Variants in PIWIL2 observed in about 807,000 individuals in gnomAD.
PIWIL2 encodes piwi-like protein 2.
Under a neutral mutation model 116.5 loss-of-function variants are expected in PIWIL2, and 81 were observed. The observed-to-expected ratio is 0.70, with a 90% CI of 0.58 to 0.84. The LOEUF (loss-of-function observed/expected upper bound fraction) is 0.84, where lower values mean the gene tolerates loss of function less well. Ranked by LOEUF, PIWIL2 falls within the 40% of genes least tolerant of loss-of-function variation. The pLI, the probability that PIWIL2 is intolerant of heterozygous loss-of-function variation, is 0.00. For missense variants in PIWIL2, 1,272 were observed against 1,212.3 expected, an observed-to-expected ratio of 1.05 and a Z score of -0.73; for synonymous variants, 489 against 429.5, an observed-to-expected ratio of 1.14 and a Z score of -1.71.
chr8:22,342,816 A>T (rs1832141120), intron 20 of PIWIL2, among the ~76,000 whole-genome samples: 1 of 152,234 alleles, frequency 6.6e-6, no homozygotes, highest in Non-Finnish European at 1.5e-5. Flanking sequence ...AAGAGGATGA[A>T]ACAACAAGCC....
intron 20 of PIWIL2, among the ~76,000 whole-genome samples, chr8:22,333,412 G>T (rs1382558936): frequency 6.6e-6 from 1 of 152,050 alleles, no homozygotes; most frequent in African/African-American, 2.4e-5. Context: ...AGGAGTTCGA[G>T]ACCAGCCTGA....
intron 12 of PIWIL2, 29 bp from the exon 13 acceptor site, chr8:22,305,898 T>C (rs1831164783): frequency 6.4e-7 from 1 of 1,558,598 alleles, no homozygotes; most frequent in Non-Finnish European, 8.9e-7. Flanking sequence ...TGTACTGCCT[T>C]ATTTTCCCTC....
At chr8:22,335,625 G>A (rs1255989291) in intron 20 of PIWIL2, among the ~76,000 whole-genome samples, 1 of 142,502 alleles carries the variant, frequency 7.0e-6, no homozygotes, top group Non-Finnish European at 1.5e-5. Context: ...TCGGCTCACT[G>A]CAGCGTCTGC....
intron 20 of PIWIL2, among the ~76,000 whole-genome samples, chr8:22,326,841 C>A (rs1443694020): frequency 2.0e-5 from 3 of 151,840 alleles, no homozygotes; most frequent in Non-Finnish European, 2.9e-5. Context: ...ATTTTCAGTT[C>A]TTTTTGATAT....
intron 10 of PIWIL2, among the ~76,000 whole-genome samples, chr8:22,296,985 CTTT>C (rs918103321): frequency 1.3e-5 from 2 of 148,514 alleles, no homozygotes; most frequent in Non-Finnish European, 3.0e-5. Context: ...ACATTCTTTC[CTTT>C]TTTTTTTATT....
chr8:22,342,616 TAAAAC>T (rs1456081452), intron 20 of PIWIL2, among the ~76,000 whole-genome samples: 9 of 152,248 alleles, frequency 5.9e-5, no homozygotes, highest in Admixed American at 3.9e-4. Flanking sequence ...TTGCAAAAAT[TAAAAC>T]AAATTATAGA....
chr8:22,290,613 ATTTTTT>A (rs34573190), intron 10 of PIWIL2, among the ~76,000 whole-genome samples: 15 of 114,104 alleles, frequency 1.3e-4, no homozygotes, highest in South Asian at 9.0e-4. Flanking sequence ...CCAATTTTTA[ATTTTTT>A]TTTTTTTTTT....
chr8:22,329,733 C>T (rs566162850), intron 20 of PIWIL2, among the ~76,000 whole-genome samples: 2 of 152,332 alleles, frequency 1.3e-5, no homozygotes, highest in Non-Finnish European at 2.9e-5. Context: ...TAGTTCTATT[C>T]TCTCCCACTT....
chr8:22,332,490 C>T (rs1206099668), intron 20 of PIWIL2, among the ~76,000 whole-genome samples: 2 of 151,936 alleles, frequency 1.3e-5, no homozygotes, highest in Admixed American at 6.6e-5. Flanking sequence ...TCAGAAAGCC[C>T]AACACATCTC....
At chr8:22,342,669 G>A (rs1832137715) in intron 20 of PIWIL2, among the ~76,000 whole-genome samples, 1 of 152,102 alleles carries the variant, frequency 6.6e-6, no homozygotes, top group Non-Finnish European at 1.5e-5. Context: ...ACTTACAGAA[G>A]ATAACATAGA....
intron 4 of PIWIL2, among the ~76,000 whole-genome samples, chr8:22,281,767 A>ATTT (rs1313870060): frequency 1.8e-4 from 21 of 118,526 alleles, no homozygotes; most frequent in Non-Finnish European, 2.1e-4. Flanking sequence ...GATCATGGTG[A>ATTT]TTTTTTTTTT....
At position 22,318,398 on chromosome 8, in the gene PIWIL2, A is replaced by C. The variant is rs568456222; in HGVS notation, c.2403+123A>C. ...AGTGGTGCGATCTCTGTTCACTGCAACCTCTGCCTCCTGGGTTCAAGCGGT... is the reference window on the plus strand; with the variant it reads ...AGTGGTGCGATCTCTGTTCACTGCACCCTCTGCCTCCTGGGTTCAAGCGGT... On this transcript the variant is annotated intron_variant, in intron 20 of 22. Transcript: ENST00000356766. 15 of 562,392 alleles carry C rather than the reference A, an allele frequency of 2.7e-5. No individual in the cohort carries two copies. The African/African-American group carries it at 2.7e-4, about 10-fold the overall frequency. 34.8% of individuals were successfully genotyped at this position (562,392 alleles called of 1,614,324 possible). A position where few individuals can be genotyped will look rare whatever the true frequency, so the allele number is the denominator to read the frequency against.
At chr8:22,322,986 G>C (rs533770439) in intron 20 of PIWIL2, among the ~76,000 whole-genome samples, 1 of 151,524 alleles carries the variant, frequency 6.6e-6, no homozygotes, top group African/African-American at 2.4e-5. Context: ...GTATGATCTC[G>C]GCTCACTGCA....
rs1159975704 is a variant in PIWIL2, at chr8:22,311,096, T to C, written c.1801-16T>C. 5 of 1,588,076 alleles carry C rather than the reference T, an allele frequency of 3.1e-6. No homozygotes were observed. The highest frequency in any genetic ancestry group is 4.3e-6 in the Non-Finnish European group (5 of 1,166,698). ...TTAAATTGTGAGAAATACTAAAAGC[T>C]CTTGGTTGTTCCTAGATCCCCATGC... On this transcript the variant is annotated splice_polypyrimidine_tract_variant and intron_variant, in intron 15 of 22. Coordinates refer to ENST00000356766, the MANE Select transcript of PIWIL2 (RefSeq NM_018068.5).
chr8:22,318,425 C>G, intron 20 of PIWIL2, 150 bp downstream of exon 20: 1 of 551,512 alleles, frequency 1.8e-6, no homozygotes, highest in Non-Finnish European at 3.3e-6. Context: ...TCAAGCGGTT[C>G]TCCTGCCTCA....
intron 22 of PIWIL2, among the ~76,000 whole-genome samples, chr8:22,355,062 T>C (rs1270812187): frequency 1.4e-5 from 2 of 144,062 alleles, no homozygotes; most frequent in Admixed American, 1.4e-4. Context: ...AGAGCAAGAC[T>C]CTGTCAAAAA....
At chr8:22,287,297 G>T (rs1233833844) in intron 6 of PIWIL2, among the ~76,000 whole-genome samples, 1 of 152,210 alleles carries the variant, frequency 6.6e-6, no homozygotes, top group East Asian at 1.9e-4. Flanking sequence ...GCTAAGGCAG[G>T]TGTCCTTTGG....
intron 11 of PIWIL2, 150 bp from the exon 12 acceptor site, chr8:22,304,634 T>C: frequency 1.9e-6 from 1 of 526,278 alleles, no homozygotes. Context: ...TTTCCTGTTA[T>C]AAATATATTA....
chr8:22,305,889 G>T (rs781319947), intron 12 of PIWIL2, 38 bp from the exon 13 acceptor site: 3 of 1,473,544 alleles, frequency 2.0e-6, no homozygotes, highest in Non-Finnish European at 2.9e-6. Flanking sequence ...TGAGCCTCTT[G>T]TACTGCCTTA....
Sources: allele counts gnomAD v4.1 joint callset (sites outside exome capture counted in the v4.1 genomes callset), GRCh38; gene constraint gnomAD v4.1.1; transcripts MANE v1.5; gene names NCBI Gene and HGNC (gene_info 2026-07-23, HGNC 2026-07-21).